Variants in AMDHD1 observed in about 807,000 individuals in gnomAD.
AMDHD1 encodes amidohydrolase domain containing 1.
Under a neutral mutation model 44.1 loss-of-function variants are expected in AMDHD1, and 45 were observed. The observed-to-expected ratio is 1.02, with a 90% confidence interval of 0.80 to 1.31. AMDHD1 has a LOEUF of 1.31. AMDHD1 is among the 50% of genes most tolerant of loss of function. AMDHD1 has a pLI of 0.00. For missense variants in AMDHD1, 586 were observed against 552.1 expected (o/e 1.06, Z -0.61); for synonymous variants, 206 against 205.0 (o/e 1.00, Z -0.04).
chr12:95,966,380 G>C lies in AMDHD1; in HGVS notation c.1065G>C (p.Met355Ile), dbSNP rs1324218109. 6 of 1,614,208 alleles carry C rather than the reference G, an allele frequency of 3.7e-6. No individual in the cohort carries two copies. The highest frequency in any genetic ancestry group is 1.7e-5 in the Admixed American group (1 of 60,036). The stretch of plus-strand genomic sequence containing the variant: ...TCATGCATCTGGCCTGTGTAAACAT[G>C]AGAATGTCCATGCCTGAGGCCTTGG... Reference protein sequence around the residue: ...PMVMHLACVNMRMSMPEALAA... With the variant: ...PMVMHLACVNIRMSMPEALAA... Residue 355 changes from methionine to isoleucine, a missense_variant, in exon 8 of 9, where the codon ATG becomes ATC. Physicochemically the swap from Met to Ile is conservative, Grantham distance 10. Coordinates refer to ENST00000266736, the MANE Select transcript of AMDHD1 (RefSeq NM_152435.3).
At chr12:95,957,541 TA>T (rs934503886) in intron 4 of AMDHD1, among the ~76,000 whole-genome samples, 10 of 152,188 alleles carry the variant, frequency 6.6e-5, no homozygotes, top group Non-Finnish European at 4.4e-5. Context: ...CTGGAATTTC[TA>T]AATAGGAAGG....
intron 2 of AMDHD1, among the ~76,000 whole-genome samples, chr12:95,953,463 T>C (rs546013841): frequency 2.0e-5 from 3 of 152,308 alleles, no homozygotes; most frequent in South Asian, 4.1e-4. Context: ...AAAACAAGTT[T>C]CACAAACTTT....
intron 8 of AMDHD1, among the ~76,000 whole-genome samples, chr12:95,966,718 T>C (rs1421630550): frequency 6.6e-6 from 1 of 152,234 alleles, no homozygotes; most frequent in African/African-American, 2.4e-5. Context: ...TCTCTTCATC[T>C]GTCTGGTATT....
chr12:95,965,625 GAACAGCTA>G (rs1208397753), intron 6 of AMDHD1, 53 bp from the exon 7 acceptor site: 1 of 1,137,806 alleles, frequency 8.8e-7, no homozygotes, highest in East Asian at 2.4e-5. Flanking sequence ...CTTCTGTTCT[GAACAGCTA>G]TTCTACAAAA....
At chr12:95,960,741 T>G (rs1245923366) in intron 5 of AMDHD1, 118 bp downstream of exon 5, 1 of 1,070,632 alleles carries the variant, frequency 9.3e-7, no homozygotes, top group East Asian at 2.5e-5. Flanking sequence ...GGAAATTTGT[T>G]TGAACAATGT....
Position 95,955,125 on chromosome 12 carries a change from AC to A in AMDHD1, c.309+151del. On this transcript the variant is annotated intron_variant, in intron 3 of 8. Coordinates refer to ENST00000266736, the MANE Select transcript of AMDHD1 (RefSeq NM_152435.3). ...GCTTGGGTATGGGAAACAAATGACA[AC>A]AAAACTTATTTATAACTGCCCCAAA... 6 of 753,972 alleles carry A rather than the reference AC, an allele frequency of 8.0e-6. No individual in the cohort carries two copies. The South Asian group carries it at 1.0e-4, about 13-fold the overall frequency. The allele number at this position is 753,972 out of a possible 1,614,324, so 46.7% of individuals were successfully genotyped here.
intron 6 of AMDHD1, 117 bp downstream of exon 6, chr12:95,962,596 G>A (rs1338019750): frequency 9.5e-6 from 12 of 1,261,026 alleles, no homozygotes; most frequent in Non-Finnish European, 1.3e-5. Context: ...AAATGCAGAT[G>A]AAGAAAACTC....
At chr12:95,949,667 A>T (rs2080518031) in intron 1 of AMDHD1, among the ~76,000 whole-genome samples, 1 of 152,248 alleles carries the variant, frequency 6.6e-6, no homozygotes, top group Non-Finnish European at 1.5e-5. Flanking sequence ...ATAGAATCAC[A>T]TAAAAATGCA....
intron 1 of AMDHD1, among the ~76,000 whole-genome samples, chr12:95,947,840 C>T (rs1349352831): frequency 4.2e-5 from 4 of 95,632 alleles, no homozygotes; most frequent in Admixed American, 9.9e-5. Flanking sequence ...CCCGGCCAGC[C>T]GCCCCGTCTG....
chr12:95,967,482 C>G (rs774631412), intron 8 of AMDHD1, among the ~76,000 whole-genome samples: 6 of 152,170 alleles, frequency 3.9e-5, no homozygotes, highest in Non-Finnish European at 7.3e-5. Flanking sequence ...AGAAACCACT[C>G]CCTGTATTGG....
At chr12:95,966,783 C>T (rs1357519461) in intron 8 of AMDHD1, among the ~76,000 whole-genome samples, 1 of 152,216 alleles carries the variant, frequency 6.6e-6, no homozygotes, top group Non-Finnish European at 1.5e-5. Flanking sequence ...CCGGGTTGTG[C>T]CCTCTGGCAT....
At chr12:95,966,642 G>A (rs1022270062) in intron 8 of AMDHD1, 134 bp downstream of exon 8, 8 of 1,164,442 alleles carry the variant, frequency 6.9e-6, no homozygotes, top group Middle Eastern at 2.8e-4. Flanking sequence ...CCTCTATCTT[G>A]ATCCCTTTCC....
intron 1 of AMDHD1, 111 bp downstream of exon 1, chr12:95,943,646 G>C (rs2080477409): frequency 7.5e-7 from 1 of 1,326,162 alleles, no homozygotes; most frequent in African/African-American, 1.5e-5. Context: ...CCTGCACAGA[G>C]ATACACGGGC....
intron 1 of AMDHD1, among the ~76,000 whole-genome samples, chr12:95,947,849 TG>T (rs2080505051): frequency 1.4e-5 from 1 of 72,592 alleles, no homozygotes; most frequent in Admixed American, 1.3e-4. Context: ...CCGCCCCGTC[TG>T]GGAGGTGAGG....
At position 95,965,672 on chromosome 12, in the gene AMDHD1, T is replaced by C. The variant is rs767261705; in HGVS notation, c.939-14T>C. On this transcript the variant is annotated splice_polypyrimidine_tract_variant and intron_variant, in intron 6 of 8. Coordinates refer to ENST00000266736, the MANE Select transcript of AMDHD1 (RefSeq NM_152435.3). ...CCCATTCTAGAGACTGACATATTTT[T>C]TTCCTCCCCTTAGACTGAAACAACC... 3.1e-6 allele frequency: 5 copies of C among 1,593,890 alleles called. No homozygotes were observed. The highest frequency in any genetic ancestry group is 1.1e-5 in the South Asian group (1 of 88,812).
At chr12:95,950,269 T>C (rs2080520329) in intron 1 of AMDHD1, among the ~76,000 whole-genome samples, 1 of 152,206 alleles carries the variant, frequency 6.6e-6, no homozygotes, top group South Asian at 2.1e-4. Flanking sequence ...CTTAATTTCT[T>C]ATTCCACCCT....
At chr12:95,961,878 T>A (rs1278676413) in intron 5 of AMDHD1, among the ~76,000 whole-genome samples, 1 of 152,218 alleles carries the variant, frequency 6.6e-6, no homozygotes, top group African/African-American at 2.4e-5. Flanking sequence ...TTCAAATGAG[T>A]GCCCATTACA....
Position 95,967,934 on chromosome 12 carries a change from A to G in AMDHD1, c.*91A>G, listed in dbSNP as rs978944074. ...AAACACCTTAATATTTACAAGAATT[A>G]TATCACTTAAACCTAAATGTACTTC... On this transcript the variant is annotated 3_prime_UTR_variant, in exon 9 of 9. Transcript: ENST00000266736. 1.3e-5 allele frequency: 11 copies of G among 879,220 alleles called. No individual in the cohort carries two copies. The Middle Eastern group carries it at 9.9e-4, about 79-fold the overall frequency. 54.5% of individuals were successfully genotyped at this position (879,220 alleles called of 1,614,324 possible). A position where few individuals can be genotyped will look rare whatever the true frequency, so the allele number is the denominator to read the frequency against.
intron 1 of AMDHD1, among the ~76,000 whole-genome samples, chr12:95,943,787 G>A (rs1026249038): frequency 2.0e-5 from 3 of 152,184 alleles, no homozygotes; most frequent in African/African-American, 7.2e-5. Context: ...AAATATCACT[G>A]TCCAACCATC....
Sources: allele counts gnomAD v4.1 joint callset (sites outside exome capture counted in the v4.1 genomes callset), GRCh38; gene constraint gnomAD v4.1.1; transcripts MANE v1.5; gene names NCBI Gene and HGNC (gene_info 2026-07-23, HGNC 2026-07-21).